Variants in SLC7A8 observed in about 807,000 individuals in gnomAD.
SLC7A8 encodes solute carrier family 7 member 8.
Under a neutral mutation model 51.2 loss-of-function variants are expected in SLC7A8, and 30 were observed. That is an observed-to-expected ratio of 0.59 (90% CI 0.44 to 0.80). SLC7A8 has a LOEUF of 0.80. Among genes scored for constraint, SLC7A8 ranks in the 30% least tolerant of loss-of-function variants. The pLI is 0.00. For missense variants in SLC7A8, 612 were observed against 674.4 expected, an observed-to-expected ratio of 0.91 and a Z score of 1.03; for synonymous variants, 257 against 275.8, an observed-to-expected ratio of 0.93 and a Z score of 0.67.
intron 7 of SLC7A8, among the ~76,000 whole-genome samples, chr14:23,137,234 C>T (rs887648771): frequency 6.6e-6 from 1 of 152,206 alleles, no homozygotes; most frequent in Non-Finnish European, 1.5e-5. Context: ...GCTCGCACTT[C>T]TGGCTTCTGA....
chr14:23,174,057 A>C (rs910072340), intron 1 of SLC7A8, among the ~76,000 whole-genome samples: 1 of 152,244 alleles, frequency 6.6e-6, no homozygotes, highest in Non-Finnish European at 1.5e-5. Context: ...ACTTAAGACT[A>C]TCTCTAAAGC....
At chr14:23,161,997 T>A (rs1433670128) in intron 3 of SLC7A8, among the ~76,000 whole-genome samples, 1 of 141,132 alleles carries the variant, frequency 7.1e-6, no homozygotes, top group African/African-American at 2.7e-5. Flanking sequence ...GAATACCGTA[T>A]GAGAGGATTG....
intron 3 of SLC7A8, among the ~76,000 whole-genome samples, chr14:23,159,522 G>C (rs1260172948): frequency 1.3e-5 from 2 of 152,246 alleles, no homozygotes; most frequent in Admixed American, 6.5e-5. Context: ...GTGCTGCCCA[G>C]GTATCTGAAG....
chr14:23,177,362 T>C (rs370462044), intron 1 of SLC7A8, among the ~76,000 whole-genome samples: 9 of 152,338 alleles, frequency 5.9e-5, no homozygotes, highest in African/African-American at 2.2e-4. Context: ...AAGGAAAATG[T>C]AGAGCTGTAA....
At chr14:23,182,714 A>G in intron 1 of SLC7A8, 50 bp downstream of exon 1, 1 of 1,505,186 alleles carries the variant, frequency 6.6e-7, no homozygotes, top group Non-Finnish European at 8.9e-7. Flanking sequence ...ATCTCACAGG[A>G]GGACCACCAG....
At chr14:23,152,908 G>A (rs879748377) in intron 3 of SLC7A8, among the ~76,000 whole-genome samples, 1 of 152,198 alleles carries the variant, frequency 6.6e-6, no homozygotes, top group African/African-American at 2.4e-5. Flanking sequence ...ACAGGGTAAA[G>A]GTTGGGATAG....
chr14:23,180,904 G>A (rs1442149804), intron 1 of SLC7A8, among the ~76,000 whole-genome samples: 1 of 152,126 alleles, frequency 6.6e-6, no homozygotes, highest in African/African-American at 2.4e-5. Context: ...GTGGGCGCCT[G>A]TAGTCCCAGC....
rs766602132 is a variant in SLC7A8 at position 23,128,181 on chromosome 14, G to A, written c.1279C>T (p.Pro427Ser). Reference protein sequence around the residue: ...PRPIKINLLFPIIYLLFWAFL... With the variant: ...PRPIKINLLFSIIYLLFWAFL... The stretch of plus-strand genomic sequence containing the variant: ...GCCCAGAACAGCAAGTAGATGATGG[G>A]GAACAGCAGGTTGATCTGTGGAGCA... Residue 427 changes from proline (P) to serine (S), a missense_variant, in exon 10 of 11, where the codon CCC becomes TCC. By Grantham distance (74) the Pro-to-Ser change is moderately conservative. Coordinates refer to ENST00000316902, the MANE Select transcript of SLC7A8 (RefSeq NM_012244.4). This position sits in a 1 kb window ranked among gnomAD's most constrained non-coding sequence, Gnocchi z 4.3. 1 of 1,614,126 alleles carries A rather than the reference G, an allele frequency of 6.2e-7. No homozygotes were observed. Among genetic ancestry groups the A allele is most frequent in the Non-Finnish European group, 8.5e-7 (1 of 1,180,004 alleles).
At chr14:23,146,153 C>T (rs2140318273) in intron 3 of SLC7A8, among the ~76,000 whole-genome samples, 1 of 152,186 alleles carries the variant, frequency 6.6e-6, no homozygotes, top group Non-Finnish European at 1.5e-5. Context: ...TTCAGGCAGA[C>T]ACAGCAGTAA....
In SLC7A8 at chr14:23,155,654, T is replaced by C. The variant is rs144561122; in HGVS notation, c.508+9631A>G. ...GGAACCCTATTTTAATCCTACTCAT[T>C]ACTTTTTCAGCCTGGGCCTGAAAAA... On this transcript the variant is annotated intron_variant, in intron 3 of 10. Coordinates refer to ENST00000316902, the MANE Select transcript of SLC7A8 (RefSeq NM_012244.4). Among the ~76,000 whole-genome samples, 23 of 152,154 alleles carry C rather than the reference T, an allele frequency of 1.5e-4. 1 individual carries two copies. The East Asian group carries it at 4.5e-3, about 29-fold the overall frequency.
At chr14:23,140,875 A>T (rs542715911) in intron 4 of SLC7A8, among the ~76,000 whole-genome samples, 1 of 152,290 alleles carries the variant, frequency 6.6e-6, no homozygotes, top group African/African-American at 2.4e-5. Context: ...CTCCTTTTGT[A>T]AAAGGCAAAG....
chr14:23,171,294 T>C (rs1252971804), intron 1 of SLC7A8, among the ~76,000 whole-genome samples: 1 of 152,214 alleles, frequency 6.6e-6, no homozygotes, highest in African/African-American at 2.4e-5. Flanking sequence ...TGGCTTGTTC[T>C]GTCAAAGAAA....
chr14:23,175,371 G>A (rs1364851492), intron 1 of SLC7A8, among the ~76,000 whole-genome samples: 1 of 152,048 alleles, frequency 6.6e-6, no homozygotes, highest in Non-Finnish European at 1.5e-5. Flanking sequence ...ACCACATCTG[G>A]CTAATTTTTG....
At chr14:23,155,591 C>T (rs905947062) in intron 3 of SLC7A8, 1 of 867,930 alleles carries the variant, frequency 1.2e-6, no homozygotes, top group Non-Finnish European at 1.5e-6. Context: ...AAAAACTGGA[C>T]ACCAAGAAAT....
chr14:23,139,845 A>G (rs1594822972), intron 5 of SLC7A8, among the ~76,000 whole-genome samples: 1 of 152,124 alleles, frequency 6.6e-6, no homozygotes, highest in East Asian at 1.9e-4. Context: ...CCTCTTCTTT[A>G]CAAATTAAAA....
At chr14:23,164,074 TCGACCCTCC>T (rs2048937040) in intron 3 of SLC7A8, among the ~76,000 whole-genome samples, 1 of 151,896 alleles carries the variant, frequency 6.6e-6, no homozygotes. Context: ...CCAGGGTCAA[TCGACCCTCC>T]TACCTCAGCC....
At chr14:23,147,296 T>C (rs565144682) in intron 3 of SLC7A8, among the ~76,000 whole-genome samples, 41 of 152,316 alleles carry the variant, frequency 2.7e-4, no homozygotes, top group Non-Finnish European at 4.4e-4. Context: ...TACTAGGCAT[T>C]CTAGCTGGTG....
At chr14:23,151,922 G>A (rs1379136588) in intron 3 of SLC7A8, among the ~76,000 whole-genome samples, 1 of 151,960 alleles carries the variant, frequency 6.6e-6, no homozygotes, top group East Asian at 1.9e-4. Flanking sequence ...AAATTAGCAT[G>A]CCTGTAATGC....
chr14:23,127,132 G>T lies in SLC7A8; in HGVS notation c.*45C>A. ...TGGCAGGACCAAGGCAGGGAGGTAG[G>T]ATAAAAGGGGGAGGAAGGAGAGAGT... On this transcript the variant is annotated 3_prime_UTR_variant, in exon 11 of 11. Coordinates refer to ENST00000316902, the MANE Select transcript of SLC7A8 (RefSeq NM_012244.4). 1.9e-6 allele frequency: 3 copies of T among 1,610,102 alleles called. No homozygotes were observed. The highest frequency in any genetic ancestry group is 2.5e-6 in the Non-Finnish European group (3 of 1,177,070).
Sources: gnomAD v4.1 joint callset for allele counts (sites outside exome capture counted in the v4.1 genomes callset) on GRCh38, gnomAD v4.1.1 for gene constraint, Gnocchi (gnomAD v3.1) non-coding constraint, MANE v1.5 for transcripts, NCBI Gene and HGNC (gene_info 2026-07-23, HGNC 2026-07-21) for gene names.